The following RBFOX1 variants were observed in gnomAD, a reference collection of about 807,000 sequenced individuals.
RBFOX1 encodes RNA binding fox-1 homolog 1.
Under a neutral mutation model 57.7 loss-of-function variants are expected in RBFOX1, and 8 were observed. The ratio of observed to expected loss-of-function variants is 0.14; its 90% CI spans 0.08 to 0.25. The LOEUF (loss-of-function observed/expected upper bound fraction) is 0.25, where lower values mean the gene tolerates loss of function less well. Among genes scored for constraint, RBFOX1 ranks in the 10% least tolerant of loss-of-function variants. RBFOX1 has a pLI of 1.00. For synonymous variants in RBFOX1, 326 were observed against 222.4 expected (o/e 1.47, Z -4.15); for missense variants, 611 against 548.5 (o/e 1.11, Z -1.14).
chr16:5,284,220 C>T (rs1482847255), intron 1 of RBFOX1, among the ~76,000 whole-genome samples: 1 of 152,156 alleles, frequency 6.6e-6, no homozygotes, highest in African/African-American at 2.4e-5. Context: ...GTCCATTAAA[C>T]CTCTTTCTTT....
At chr16:7,141,223 T>C (rs1324833547) in intron 4 of RBFOX1, among the ~76,000 whole-genome samples, 1 of 152,166 alleles carries the variant, frequency 6.6e-6, no homozygotes, top group East Asian at 1.9e-4. Context: ...TGAGTGTTAG[T>C]GCTGGATCCA....
chr16:5,986,276 C>G (rs528347144), intron 4 of RBFOX1, among the ~76,000 whole-genome samples: 3 of 152,280 alleles, frequency 2.0e-5, no homozygotes, highest in South Asian at 4.1e-4. Flanking sequence ...GTTGCTCAGG[C>G]TGGTCTCAAA....
intron 3 of RBFOX1, among the ~76,000 whole-genome samples, chr16:6,988,345 G>C (rs2090741329): frequency 1.3e-5 from 2 of 152,188 alleles, no homozygotes; most frequent in East Asian, 3.9e-4. Context: ...TAATCTTACT[G>C]TCCACTGTAG....
At chr16:6,102,555 C>G (rs987307953) in intron 1 of RBFOX1, among the ~76,000 whole-genome samples, 1 of 152,028 alleles carries the variant, frequency 6.6e-6, no homozygotes, top group African/African-American at 2.4e-5. Flanking sequence ...ATAATTCTCT[C>G]TCTCTCTCCA....
intron 4 of RBFOX1, among the ~76,000 whole-genome samples, chr16:7,409,871 A>C (rs939458882): frequency 1.3e-5 from 2 of 152,156 alleles, no homozygotes; most frequent in Non-Finnish European, 2.9e-5. Context: ...AAGAAATTGA[A>C]GTGTGGAAAA....
intron 3 of RBFOX1, among the ~76,000 whole-genome samples, chr16:6,968,820 TG>T (rs1359946311): frequency 2.6e-5 from 4 of 151,280 alleles, no homozygotes; most frequent in Non-Finnish European, 5.9e-5. Context: ...CAGGTTTTTT[TG>T]TTTTTTTTTT....
At chr16:6,521,525 C>A (rs986420608) in intron 2 of RBFOX1, among the ~76,000 whole-genome samples, 1 of 144,592 alleles carries the variant, frequency 6.9e-6, no homozygotes, top group African/African-American at 2.7e-5. Flanking sequence ...GCTTTTCCCT[C>A]CCTCCTTCCT....
At chr16:7,430,788 C>G (rs1465127876) in intron 4 of RBFOX1, among the ~76,000 whole-genome samples, 1 of 152,194 alleles carries the variant, frequency 6.6e-6, no homozygotes, top group East Asian at 1.9e-4. Context: ...GTCTTGCTAC[C>G]TGGATGGCCA....
At chr16:5,803,442 G>C (rs1200331926) in intron 3 of RBFOX1, among the ~76,000 whole-genome samples, 2 of 152,156 alleles carry the variant, frequency 1.3e-5, no homozygotes, top group African/African-American at 4.8e-5. Context: ...ATCTTTAGCA[G>C]GTTATTTAAC....
intron 4 of RBFOX1, among the ~76,000 whole-genome samples, chr16:7,487,704 C>G (rs1405968825): frequency 6.6e-6 from 1 of 152,262 alleles, no homozygotes; most frequent in African/African-American, 2.4e-5. Context: ...TGCATTCAAA[C>G]CTCTCCATGC....
At chr16:5,308,145 G>A (rs1489135759) in intron 1 of RBFOX1, among the ~76,000 whole-genome samples, 2 of 152,178 alleles carry the variant, frequency 1.3e-5, no homozygotes, top group African/African-American at 2.4e-5. Flanking sequence ...TTCGAGACCA[G>A]CCTAGCCAGC....
At chr16:6,713,990 C>T (rs555569760) in intron 3 of RBFOX1, among the ~76,000 whole-genome samples, 3 of 152,252 alleles carry the variant, frequency 2.0e-5, no homozygotes, top group Admixed American at 2.0e-4. Flanking sequence ...CTTTGTGTAC[C>T]CACGTAAATC....
At chr16:5,679,266 G>A (rs1046447358) in intron 3 of RBFOX1, among the ~76,000 whole-genome samples, 21 of 151,928 alleles carry the variant, frequency 1.4e-4, no homozygotes, top group African/African-American at 5.1e-4. Flanking sequence ...CTTAAGGTGA[G>A]CACTAAATAA....
intron 2 of RBFOX1, among the ~76,000 whole-genome samples, chr16:6,339,703 C>T (rs1356080417): frequency 6.6e-6 from 1 of 151,096 alleles, no homozygotes; most frequent in East Asian, 1.9e-4. Flanking sequence ...GAGAGTCTCG[C>T]TCTGTCACCC....
intron 2 of RBFOX1, among the ~76,000 whole-genome samples, chr16:6,380,017 G>C (rs909540477): frequency 6.6e-6 from 1 of 152,186 alleles, no homozygotes; most frequent in African/African-American, 2.4e-5. Flanking sequence ...CCTGTTAACA[G>C]GCAAGAAAGA....
chr16:6,215,861 A>G (rs1224503377), intron 1 of RBFOX1, among the ~76,000 whole-genome samples: 3 of 152,090 alleles, frequency 2.0e-5, no homozygotes, highest in African/African-American at 7.2e-5. Context: ...GTATGAATCA[A>G]CTCGCCACAT....
rs999437389 is a variant in RBFOX1 at position 7,370,823 on chromosome 16, A to G, written c.28-147324A>G. Among the ~76,000 whole-genome samples the G allele has an allele frequency of 3.3e-5, 5 of 152,238 alleles. No individual in the cohort carries two copies. The South Asian group carries it at 1.0e-3, about 31-fold the overall frequency. On this transcript the variant is annotated intron_variant, in intron 4 of 15. Transcript: ENST00000550418. ...GCTAATTGCAGGACTGTTGTCCACA[A>G]TTAGTCTTTGGTAGGCATGATTAAT...
In RBFOX1 at chr16:7,526,283, G is replaced by A. The variant is rs117130738; in HGVS notation, c.270+7894G>A. On this transcript the variant is annotated intron_variant, in intron 5 of 15. Coordinates refer to ENST00000550418, the MANE Select transcript of RBFOX1 (RefSeq NM_018723.4). ...AAAAATTTTGGGGACTGCTGCCCTA[G>A]AGGATCTCTTGACCAATGGCTTAGA... Among the ~76,000 whole-genome samples the A allele has an allele frequency of 5.9e-3, 901 of 152,292 alleles. 13 individuals are homozygous for A. The highest frequency in any genetic ancestry group is 7.8e-3 in the Non-Finnish European group (531 of 68,020).
At chr16:6,326,450 A>G (rs2082380340) in intron 2 of RBFOX1, among the ~76,000 whole-genome samples, 1 of 152,176 alleles carries the variant, frequency 6.6e-6, no homozygotes. Context: ...GATGTGAGAG[A>G]GGACCAAGGA....
Sources: gnomAD v4.1 joint callset for allele counts (sites outside exome capture counted in the v4.1 genomes callset) on GRCh38, gnomAD v4.1.1 for gene constraint, MANE v1.5 for transcripts, NCBI Gene and HGNC (gene_info 2026-07-23, HGNC 2026-07-21) for gene names.